The following NRG3 variants were observed in gnomAD, a reference collection of about 807,000 sequenced individuals.
The protein encoded by NRG3 is pro-neuregulin-3, membrane-bound isoform.
In NRG3, 31 loss-of-function variants were observed where a neutral mutation model predicts 66.9. That is an observed-to-expected ratio of 0.46 (90% CI 0.35 to 0.63). The LOEUF is 0.63. NRG3 is among the 20% of genes least tolerant of loss of function. NRG3 has a pLI of 0.00. For missense variants in NRG3, 910 were observed against 878.9 expected (o/e 1.04, Z -0.45); for synonymous variants, 393 against 359.4 (o/e 1.09, Z -1.06).
intron 1 of NRG3, among the ~76,000 whole-genome samples, chr10:82,179,622 T>C (rs1327295092): frequency 6.6e-6 from 1 of 152,002 alleles, no homozygotes; most frequent in East Asian, 1.9e-4. Flanking sequence ...CTTATGCCAG[T>C]ACCATATTTT....
chr10:82,201,679 A>C (rs997358433), intron 1 of NRG3, among the ~76,000 whole-genome samples: 1 of 152,180 alleles, frequency 6.6e-6, no homozygotes, highest in Non-Finnish European at 1.5e-5. Context: ...TCATATCAGC[A>C]GGAGACATTG....
intron 1 of NRG3, among the ~76,000 whole-genome samples, chr10:82,071,113 A>C (rs1012817954): frequency 6.6e-6 from 1 of 152,146 alleles, no homozygotes; most frequent in Non-Finnish European, 1.5e-5. Context: ...CCACAAATTT[A>C]TGTTAATTTT....
intron 2 of NRG3, among the ~76,000 whole-genome samples, chr10:82,673,810 C>T (rs1287075897): frequency 3.3e-5 from 5 of 152,062 alleles, no homozygotes; most frequent in Non-Finnish European, 5.9e-5. Context: ...AAGGAGAGGC[C>T]TATGCTAAAA....
chr10:81,923,526 G>T (rs148107935), intron 1 of NRG3, among the ~76,000 whole-genome samples: 98 of 152,266 alleles, frequency 6.4e-4, no homozygotes, highest in Middle Eastern at 6.8e-3. Context: ...TTCTTGTGGG[G>T]TAGGCAACAA....
intron 1 of NRG3, among the ~76,000 whole-genome samples, chr10:82,103,622 G>A (rs571285174): frequency 1.6e-4 from 25 of 152,156 alleles, no homozygotes; most frequent in Middle Eastern, 3.4e-3. Flanking sequence ...TATTACATGC[G>A]TGTTCTACTT....
intron 1 of NRG3, among the ~76,000 whole-genome samples, chr10:82,312,983 C>A (rs914605360): frequency 6.6e-6 from 1 of 152,052 alleles, no homozygotes; most frequent in Non-Finnish European, 1.5e-5. Context: ...TTAAGACCAG[C>A]CTGGCCAACA....
intron 1 of NRG3, among the ~76,000 whole-genome samples, chr10:82,189,044 G>T (rs977178578): frequency 6.6e-6 from 1 of 151,930 alleles, no homozygotes; most frequent in African/African-American, 2.4e-5. Flanking sequence ...AAGTAAACTG[G>T]ATATTCACAT....
At chr10:82,713,837 C>T (rs1379874727) in intron 2 of NRG3, among the ~76,000 whole-genome samples, 3 of 152,140 alleles carry the variant, frequency 2.0e-5, no homozygotes, top group Non-Finnish European at 4.4e-5. Context: ...TGAAGTTTGC[C>T]ATGGATTCAA....
intron 2 of NRG3, among the ~76,000 whole-genome samples, chr10:82,572,433 A>G (rs2045793152): frequency 6.6e-6 from 1 of 151,766 alleles, no homozygotes; most frequent in Non-Finnish European, 1.5e-5. Flanking sequence ...CTCCAAATGG[A>G]ACAAACACCC....
At chr10:82,387,504 G>A (rs1269363174) in intron 2 of NRG3, among the ~76,000 whole-genome samples, 1 of 152,148 alleles carries the variant, frequency 6.6e-6, no homozygotes, top group Non-Finnish European at 1.5e-5. Flanking sequence ...GCCAGTGAAT[G>A]TACCCTAACA....
intron 1 of NRG3, among the ~76,000 whole-genome samples, chr10:81,996,033 A>G (rs1273303322): frequency 6.6e-6 from 1 of 152,178 alleles, no homozygotes; most frequent in African/African-American, 2.4e-5. Flanking sequence ...TGCATAATGA[A>G]TAGCTTTGCT....
chr10:82,053,808 T>G lies in NRG3; in HGVS notation c.823+177645T>G, dbSNP rs530644951. Among the ~76,000 whole-genome samples, 6 of 152,292 alleles carry G rather than the reference T, an allele frequency of 3.9e-5. No individual in the cohort carries two copies. The East Asian group carries it at 1.2e-3, about 29-fold the overall frequency. ...GTGCAGGGAGTGTTGGGTGTGCAAT[T>G]TTAAATGGATAGTTTGGAAGGAGCT... On this transcript the variant is annotated intron_variant, in intron 1 of 8. Transcript: ENST00000372141.
At chr10:82,550,471 T>G (rs1197742407) in intron 2 of NRG3, among the ~76,000 whole-genome samples, 1 of 152,168 alleles carries the variant, frequency 6.6e-6, no homozygotes, top group African/African-American at 2.4e-5. Flanking sequence ...AATAGGACTC[T>G]TCTTTCCATT....
chr10:82,120,933 C>T (rs867965932), intron 1 of NRG3, among the ~76,000 whole-genome samples: 1 of 152,030 alleles, frequency 6.6e-6, no homozygotes, highest in African/African-American at 2.4e-5. Context: ...TCTTCTTCTT[C>T]CCTTTTTTTC....
chr10:82,117,181 G>A (rs2067779712), intron 1 of NRG3, among the ~76,000 whole-genome samples: 1 of 152,100 alleles, frequency 6.6e-6, no homozygotes, highest in Non-Finnish European at 1.5e-5. Context: ...GGCGGAAATA[G>A]TTCCTCCCTA....
intron 1 of NRG3, 91 bp from the exon 2 acceptor site, chr10:82,358,648 G>A: frequency 6.4e-7 from 1 of 1,562,090 alleles, no homozygotes; most frequent in East Asian, 2.3e-5. Flanking sequence ...CCATGAGAAG[G>A]CCTCCATACA....
At chr10:82,297,381 T>G (rs2080131480) in intron 1 of NRG3, among the ~76,000 whole-genome samples, 1 of 152,140 alleles carries the variant, frequency 6.6e-6, no homozygotes, top group Non-Finnish European at 1.5e-5. Flanking sequence ...TTAGCAGGGC[T>G]TGGAGAGTGG....
At chr10:82,868,406 A>G (rs140135214) in intron 4 of NRG3, among the ~76,000 whole-genome samples, 6 of 152,316 alleles carry the variant, frequency 3.9e-5, no homozygotes, top group East Asian at 1.9e-4. Flanking sequence ...AATCATAGCT[A>G]TAAGACCTCA....
intron 3 of NRG3, among the ~76,000 whole-genome samples, chr10:82,774,568 C>G (rs989097619): frequency 3.3e-5 from 5 of 151,838 alleles, no homozygotes; most frequent in Non-Finnish European, 7.4e-5. Flanking sequence ...TAATTGTTCA[C>G]AATAGCCGAT....
Sources: allele counts gnomAD v4.1 joint callset (sites outside exome capture counted in the v4.1 genomes callset), GRCh38; gene constraint gnomAD v4.1.1; transcripts MANE v1.5; gene names NCBI Gene and HGNC (gene_info 2026-07-23, HGNC 2026-07-21).